The following SFMBT2 variants were observed in gnomAD, a reference collection of about 807,000 sequenced individuals.
SFMBT2 encodes Scm like with four mbt domains 2.
Under a neutral mutation model 110.1 loss-of-function variants are expected in SFMBT2, and 38 were observed. The observed-to-expected ratio is 0.35, with a 90% CI of 0.27 to 0.45. The LOEUF is 0.45. SFMBT2 is among the 20% of genes least tolerant of loss of function. The pLI, the probability that SFMBT2 is intolerant of heterozygous loss-of-function variation, is 1.00. For synonymous variants in SFMBT2, 425 were observed against 425.4 expected (o/e 1.00, Z 0.01); for missense variants, 1,011 against 1,094.9 (o/e 0.92, Z 1.08).
intron 1 of SFMBT2, among the ~76,000 whole-genome samples, chr10:7,402,685 A>C (rs1404488605): frequency 6.6e-6 from 1 of 152,230 alleles, no homozygotes; most frequent in Non-Finnish European, 1.5e-5. Flanking sequence ...CCAGACCAAC[A>C]GTACCACGGA....
chr10:7,302,103 T>C (rs988821545), intron 4 of SFMBT2, among the ~76,000 whole-genome samples: 3 of 152,182 alleles, frequency 2.0e-5, no homozygotes, highest in Admixed American at 6.5e-5. Context: ...TGACCTACCT[T>C]GATAACTCGC....
At chr10:7,215,470 C>T in intron 11 of SFMBT2, 1 of 792,566 alleles carries the variant, frequency 1.3e-6, no homozygotes, top group Non-Finnish European at 1.5e-6. Flanking sequence ...TTTAGGGGAT[C>T]TCCATAGATT....
chr10:7,193,546 G>A (rs1176760863), intron 15 of SFMBT2, among the ~76,000 whole-genome samples: 2 of 152,142 alleles, frequency 1.3e-5, no homozygotes, highest in African/African-American at 4.8e-5. Context: ...TTTCTGCCAG[G>A]AGCGCTTGGC....
intron 3 of SFMBT2, among the ~76,000 whole-genome samples, chr10:7,368,803 A>C (rs1844985095): frequency 6.6e-6 from 1 of 152,250 alleles, no homozygotes; most frequent in Non-Finnish European, 1.5e-5. Flanking sequence ...CTTTTGCGGG[A>C]CCATAACCAC....
At chr10:7,281,719 C>A (rs905636776) in intron 6 of SFMBT2, among the ~76,000 whole-genome samples, 2 of 152,202 alleles carry the variant, frequency 1.3e-5, no homozygotes, top group African/African-American at 4.8e-5. Context: ...ATCTGAGGAA[C>A]TCAAAATCAC....
chr10:7,204,913 T>C (rs2131610678), intron 12 of SFMBT2: 1 of 984,934 alleles, frequency 1.0e-6, no homozygotes, highest in Non-Finnish European at 1.2e-6. Context: ...TATTTAAATG[T>C]GCATGTGCGT....
chr10:7,276,853 C>T, intron 7 of SFMBT2, 39 bp downstream of exon 7: 1 of 845,574 alleles, frequency 1.2e-6, no homozygotes, highest in Admixed American at 1.7e-5. Context: ...ATTTTATTCT[C>T]AAAAAGGGTA....
intron 4 of SFMBT2, among the ~76,000 whole-genome samples, chr10:7,310,021 G>A (rs1400114591): frequency 2.0e-5 from 3 of 152,100 alleles, no homozygotes; most frequent in Admixed American, 1.3e-4. Context: ...GCAGTACCCC[G>A]GGTCCTACAC....
chr10:7,339,206 C>T (rs1184111453), intron 4 of SFMBT2, among the ~76,000 whole-genome samples: 6 of 152,136 alleles, frequency 3.9e-5, no homozygotes, highest in Admixed American at 6.5e-5. Context: ...CGCCACTGCA[C>T]TCCAGCTTAG....
At chr10:7,197,172 A>G (rs1287022569) in intron 15 of SFMBT2, among the ~76,000 whole-genome samples, 2 of 152,158 alleles carry the variant, frequency 1.3e-5, no homozygotes, top group African/African-American at 4.8e-5. Flanking sequence ...CTGCTGCCTC[A>G]TGAAGTCCTC....
At chr10:7,215,900 A>AAGTCTTAGGCACTGAGCT in intron 11 of SFMBT2, 1 of 171,468 alleles carries the variant, frequency 5.8e-6, no homozygotes, top group Non-Finnish European at 1.2e-5. Flanking sequence ...GGAGCAGCTC[A>AAGTCTTAGGCACTGAGCT]GTGCCTAAGA....
At chr10:7,198,093 C>T (rs144143140) in intron 14 of SFMBT2, 10,033 of 985,202 alleles carry the variant, frequency 0.01, 81 homozygotes, top group South Asian at 0.037. Flanking sequence ...GTCAACTTCA[C>T]CACACACAGA....
chr10:7,344,938 G>A (rs4748841), intron 4 of SFMBT2, among the ~76,000 whole-genome samples: 2,064 of 128,502 alleles, frequency 0.016, 15 homozygotes, highest in Middle Eastern at 0.038. Flanking sequence ...CAGCCTGGGC[G>A]ACAGAGCGAG....
chr10:7,345,592 C>T (rs557768287), intron 4 of SFMBT2, among the ~76,000 whole-genome samples: 24 of 152,286 alleles, frequency 1.6e-4, no homozygotes, highest in East Asian at 3.9e-4. Flanking sequence ...CTCCTGACCT[C>T]GTGATCTACC....
intron 4 of SFMBT2, among the ~76,000 whole-genome samples, chr10:7,366,661 G>A (rs1339896525): frequency 1.3e-5 from 2 of 152,236 alleles, no homozygotes; most frequent in East Asian, 3.8e-4. Context: ...AACATAGAGA[G>A]TGGGGTGTAG....
At position 7,245,426 on chromosome 10, in the gene SFMBT2, TC is replaced by T. The variant is rs369482256; in HGVS notation, c.973-1722del. Among the ~76,000 whole-genome samples the T allele has an allele frequency of 6.9e-3, 1,047 of 152,314 alleles. 10 individuals carry two copies. Among genetic ancestry groups the T allele is most frequent in the African/African-American group, 0.023 (972 of 41,564 alleles). On this transcript the variant is annotated intron_variant, in intron 8 of 20. Coordinates refer to ENST00000397167, the MANE Select transcript of SFMBT2 (RefSeq NM_001387889.1). ...TGCGGTACCCTGTAAAGAAGGAATTTCCACAACCGTTAAAATGCATGTTCAC... is the reference window on the plus strand; with the variant it reads ...TGCGGTACCCTGTAAAGAAGGAATTTCACAACCGTTAAAATGCATGTTCAC...
At chr10:7,225,933 A>G (rs1250749167) in intron 10 of SFMBT2, among the ~76,000 whole-genome samples, 1 of 152,212 alleles carries the variant, frequency 6.6e-6, no homozygotes, top group African/African-American at 2.4e-5. Context: ...TGTGACATCA[A>G]TACGGTGAGA....
chr10:7,182,816 T>G (rs967617211), intron 16 of SFMBT2, among the ~76,000 whole-genome samples: 5 of 151,384 alleles, frequency 3.3e-5, no homozygotes, highest in Admixed American at 1.3e-4. Flanking sequence ...TGTATACATA[T>G]GTAACTAACC....
At chr10:7,230,048 G>A (rs934405822) in intron 9 of SFMBT2, among the ~76,000 whole-genome samples, 1 of 151,970 alleles carries the variant, frequency 6.6e-6, no homozygotes, top group Non-Finnish European at 1.5e-5. Flanking sequence ...TAAGATGGGA[G>A]GGTGACAGTT....
Sources: allele counts gnomAD v4.1 joint callset (sites outside exome capture counted in the v4.1 genomes callset), GRCh38; gene constraint gnomAD v4.1.1; transcripts MANE v1.5; gene names NCBI Gene and HGNC (gene_info 2026-07-23, HGNC 2026-07-21).